NUP205: variants seen among roughly 807,000 people sequenced by gnomAD.
NUP205 encodes the protein nuclear pore complex protein Nup205.
A neutral mutation model predicts 253.8 loss-of-function variants in NUP205; 76 were observed. That is an observed-to-expected ratio of 0.30 (90% CI 0.25 to 0.36). NUP205 has a LOEUF of 0.36. Among genes scored for constraint, NUP205 ranks in the 10% least tolerant of loss-of-function variants. NUP205 has a pLI of 1.00. For missense variants in NUP205, 2,162 were observed against 2,425.5 expected (o/e 0.89, Z 2.28); for synonymous variants, 832 against 850.1 (o/e 0.98, Z 0.37).
chr7:135,626,411 T>TA, intron 33 of NUP205, 50 bp downstream of exon 33: 1 of 1,561,032 alleles, frequency 6.4e-7, no homozygotes, highest in Admixed American at 2.0e-5. Flanking sequence ...AAAGGATTAT[T>TA]AAGGGAAGAA....
rs1355327237 is a variant in NUP205 at position 135,619,593 on chromosome 7, T to A, written c.4134T>A (p.Pro1378=). The change falls in exon 29 of 43, where the codon CCT becomes CCA. Residue 1378 remains proline, a synonymous_variant. Coordinates refer to ENST00000285968, the MANE Select transcript of NUP205 (RefSeq NM_015135.3). Reference sequence around the variant, plus strand: ...TGCTTGATAGTTGCTTCACCTCACCTCCTCCTGAAGAGAACCCATTAGTGG... The same window carrying A: ...TGCTTGATAGTTGCTTCACCTCACCACCTCCTGAAGAGAACCCATTAGTGG... ...AFMLDSCFTS[P]PPEENPLVGF... is the part of the protein sequence containing the mutation. 1.2e-6 allele frequency: 2 copies of A among 1,613,990 alleles called. No homozygotes were observed. The highest frequency in any genetic ancestry group is 1.7e-6 in the Non-Finnish European group (2 of 1,180,004).
intron 10 of NUP205, among the ~76,000 whole-genome samples, chr7:135,589,659 G>A (rs1170416777): frequency 6.6e-6 from 1 of 151,332 alleles, no homozygotes; most frequent in Non-Finnish European, 1.5e-5. Flanking sequence ...AGCCAGGCAC[G>A]GTGCTTCACA....
At chr7:135,606,013 C>G in intron 19 of NUP205, 132 bp from the exon 20 acceptor site, 1 of 601,202 alleles carries the variant, frequency 1.7e-6, no homozygotes. Context: ...AAAAATGTAA[C>G]TAAAACGTAA....
chr7:135,597,405 C>T lies in NUP205; in HGVS notation c.2051C>T (p.Ala684Val), dbSNP rs766540918. The change falls in exon 14 of 43, where the codon GCT (alanine) becomes GTT (valine). Residue 684 changes from alanine (A) to valine (V), a missense_variant. Coordinates refer to ENST00000285968, the MANE Select transcript of NUP205 (RefSeq NM_015135.3). The part of the protein sequence containing the change: ...QTVRIPSQRQ[A>V]IGIEVELNEI... ...GTGAGGATTCCAAGCCAAAGGCAAG[C>T]TATTGGTATTGAGGTAAAGTTTTCC... 6.2e-7 allele frequency: 1 copy of T among 1,608,996 alleles called. No homozygotes were observed. The highest frequency in any genetic ancestry group is 1.7e-5 in the Admixed American group (1 of 60,014).
intron 15 of NUP205, 32 bp downstream of exon 15, chr7:135,598,239 A>G: frequency 1.3e-6 from 2 of 1,559,334 alleles, no homozygotes; most frequent in Non-Finnish European, 1.8e-6. Context: ...TTTTCTCCTT[A>G]TGCATTTACT....
intron 2 of NUP205, among the ~76,000 whole-genome samples, chr7:135,572,551 G>C (rs1415359398): frequency 6.6e-6 from 1 of 152,102 alleles, no homozygotes; most frequent in East Asian, 1.9e-4. Context: ...TTGTTGTTTG[G>C]CACTTTTCCT....
chr7:135,575,036 C>A (rs1263417403), intron 3 of NUP205, among the ~76,000 whole-genome samples: 1 of 152,174 alleles, frequency 6.6e-6, no homozygotes, highest in African/African-American at 2.4e-5. Context: ...TTCTTCTATA[C>A]CTACCATGTG....
chr7:135,643,696 T>C (rs945812630), intron 39 of NUP205, among the ~76,000 whole-genome samples: 2 of 152,224 alleles, frequency 1.3e-5, no homozygotes, highest in Non-Finnish European at 2.9e-5. Context: ...AATGTCTCTG[T>C]GCCTTCAGCA....
At chr7:135,631,874 C>T (rs59322005) in intron 35 of NUP205, among the ~76,000 whole-genome samples, 3 of 151,824 alleles carry the variant, frequency 2.0e-5, no homozygotes, top group South Asian at 2.1e-4. Context: ...CTCAGCCTCC[C>T]GAGCAGCTGG....
chr7:135,623,306 A>C (rs1794515949), intron 31 of NUP205, among the ~76,000 whole-genome samples: 1 of 152,130 alleles, frequency 6.6e-6, no homozygotes, highest in African/African-American at 2.4e-5. Context: ...AAATAAATTG[A>C]TTCAACTTTT....
chr7:135,588,960 G>A (rs1267414463), intron 10 of NUP205, among the ~76,000 whole-genome samples: 4 of 150,852 alleles, frequency 2.7e-5, no homozygotes. Flanking sequence ...TGGGAAGATC[G>A]CTTGAAGCCA....
Position 135,619,433 on chromosome 7 carries a change from A to G in NUP205, c.3974A>G (p.Asp1325Gly). 6.2e-7 allele frequency: 1 copy of G among 1,612,604 alleles called. No homozygotes were observed. ...CCCTTGTCCTTTAAGATACTGGATG[A>G]TGAAGCTGCGCAAGAGTTAATGCCT... ...LQDVHDKILD[D>G]EAAQELMPVV... is the part of the protein sequence containing the mutation. Residue 1325 changes from aspartate to glycine, a missense_variant, in exon 29 of 43, where the codon GAT becomes GGT. Asp to Gly is a moderately conservative substitution (Grantham distance 94, BLOSUM62 -1). Transcript: ENST00000285968.
chr7:135,632,505 C>G, intron 35 of NUP205, among the ~76,000 whole-genome samples: 1 of 151,962 alleles, frequency 6.6e-6, no homozygotes, highest in Middle Eastern at 3.4e-3. Flanking sequence ...TCTGAATCCA[C>G]CCTATAATCC....
chr7:135,645,016 C>T lies in NUP205; in HGVS notation c.5681C>T (p.Ser1894Phe), dbSNP rs750892379. The T allele has an allele frequency of 6.8e-6, 11 of 1,613,708 alleles. No individual in the cohort carries two copies. The highest frequency in any genetic ancestry group is 5.0e-5 in the Admixed American group (3 of 59,942). The change falls in exon 40 of 43, where the codon TCT (serine) becomes TTT (phenylalanine). Residue 1894 changes from serine to phenylalanine, a missense_variant and splice_region_variant. This residue lies in a region of NUP205 where 1,144 missense variants were observed against 1,280.9 expected (regional missense o/e 0.89). Coordinates refer to ENST00000285968, the MANE Select transcript of NUP205 (RefSeq NM_015135.3). ...CGAGCTAAACTGCTTTCCCTTTGTT[C>T]TTGTATCCTTTATGAAATCATGCAC... ...NNRAKLLSLC[S>F]FIIETCLFIL...
chr7:135,587,937 C>G lies in NUP205; in HGVS notation c.1418C>G (p.Pro473Arg). 6.2e-7 allele frequency: 1 copy of G among 1,613,954 alleles called. No individual in the cohort carries two copies. The highest frequency in any genetic ancestry group is 8.5e-7 in the Non-Finnish European group (1 of 1,179,918). ...TGTCCCACAGAGCCTCTTCAGACTC[C>G]GACTATCATGGGCTCTTATCTAGGG... ...YWCPTEPLQTPTIMGSYLGVA... is the reference protein window; with the variant it reads ...YWCPTEPLQTRTIMGSYLGVA... The change falls in exon 10 of 43, where the codon CCG becomes CGG. Residue 473 changes from proline (P) to arginine (R), a missense_variant. Around this residue, in one of 5 missense-constraint regions of NUP205, gnomAD observed 892 missense variants for 957.1 expected, o/e 0.93. Coordinates refer to ENST00000285968, the MANE Select transcript of NUP205 (RefSeq NM_015135.3).
intron 8 of NUP205, among the ~76,000 whole-genome samples, chr7:135,587,295 T>C (rs984919137): frequency 2.6e-5 from 4 of 152,138 alleles, no homozygotes; most frequent in African/African-American, 7.2e-5. Context: ...TGAAGAAACA[T>C]TGTGCCCAAA....
In NUP205 at chr7:135,589,263, T is replaced by G. The variant is rs538628477; in HGVS notation, c.1473+1271T>G. On this transcript the variant is annotated intron_variant, in intron 10 of 42. Transcript: ENST00000285968. ...TTTTATGCAATGTGTGTGTGTGTGT[T>G]TTTTTTTTTCTGGACTCCAGATCAG... Among the ~76,000 whole-genome samples, 340 of 141,488 alleles carry G rather than the reference T, an allele frequency of 2.4e-3. 7 individuals carry two copies. The highest frequency in any genetic ancestry group is 3.8e-3 in the Non-Finnish European group (247 of 65,410). 92.8% of individuals were successfully genotyped at this position (141,488 alleles called of 152,430 possible).
chr7:135,615,899 AC>A lies in NUP205; in HGVS notation c.3311-16del. 1 of 1,595,274 alleles carries A rather than the reference AC, an allele frequency of 6.3e-7. No individual in the cohort carries two copies. Among genetic ancestry groups the A allele is most frequent in the Non-Finnish European group, 8.5e-7 (1 of 1,169,952 alleles). On this transcript the variant is annotated splice_polypyrimidine_tract_variant and intron_variant, in intron 23 of 42. Coordinates refer to ENST00000285968, the MANE Select transcript of NUP205 (RefSeq NM_015135.3). ...GTTATTACTCTGGGAAACAAAATTT[AC>A]ATGTTTAAATTCTAGAATATGAAAT...
At chr7:135,606,414 A>G (rs1794087342) in intron 20 of NUP205, among the ~76,000 whole-genome samples, 188 bp downstream of exon 20, 1 of 152,064 alleles carries the variant, frequency 6.6e-6, no homozygotes, top group South Asian at 2.1e-4. Context: ...CACCAACATG[A>G]CTCTCAAAGG....
Sources: allele counts gnomAD v4.1 joint callset (sites outside exome capture counted in the v4.1 genomes callset), GRCh38; gene constraint gnomAD v4.1.1; regional missense constraint gnomAD v4.1.1; transcripts MANE v1.5; gene names NCBI Gene and HGNC (gene_info 2026-07-23, HGNC 2026-07-21).